The following HNRNPA2B1 variants were observed in gnomAD, a reference collection of about 807,000 sequenced individuals.
HNRNPA2B1 encodes the protein heterogeneous nuclear ribonucleoprotein A2/B1.
HNRNPA2B1 carries 3 observed loss-of-function variants against 46.3 expected under a neutral mutation model. The observed-to-expected ratio is 0.06, with a 90% CI of 0.03 to 0.17. The LOEUF (loss-of-function observed/expected upper bound fraction) is 0.17. Ranked by LOEUF, HNRNPA2B1 falls within the 10% of genes least tolerant of loss-of-function variation. HNRNPA2B1 has a pLI of 1.00. For synonymous variants in HNRNPA2B1, 225 were observed against 133.8 expected (o/e 1.68, Z -4.70); for missense variants, 221 against 418.9 (o/e 0.53, Z 4.12).
chr7:26,193,631 G>A lies in HNRNPA2B1; in HGVS notation c.785C>T (p.Pro262Leu), dbSNP rs1434240961. The change falls in exon 8 of 11, where the codon CCT becomes CTT. Residue 262 changes from proline to leucine, a missense_variant. Pro to Leu is a moderately conservative substitution (Grantham distance 98, BLOSUM62 -3). Coordinates refer to ENST00000618183, the MANE Select transcript of HNRNPA2B1 (RefSeq NM_002137.4). ...GGRGGYGGGG[P>L]GYGNQGGGYG... Reference sequence around the variant, plus strand: ...GCCCCCACCCTGGTTGCCATATCCAGGTCCTCCACCACCATATCCTCCTCT... The same window carrying A: ...GCCCCCACCCTGGTTGCCATATCCAAGTCCTCCACCACCATATCCTCCTCT... 1.2e-6 allele frequency: 2 copies of A among 1,611,916 alleles called. No individual in the cohort carries two copies. The highest frequency in any genetic ancestry group is 1.3e-5 in the African/African-American group (1 of 74,704).
chr7:26,195,559 T>C (rs1206231887), intron 7 of HNRNPA2B1, among the ~76,000 whole-genome samples: 1 of 152,240 alleles, frequency 6.6e-6, no homozygotes, highest in African/African-American at 2.4e-5. Flanking sequence ...TCTGTACTTT[T>C]CCAGAGAAGC....
chr7:26,192,381 AAATT>A (rs1270477722), intron 10 of HNRNPA2B1, 43 bp from the exon 11 acceptor site: 6 of 741,338 alleles, frequency 8.1e-6, no homozygotes, highest in Non-Finnish European at 1.4e-5. Context: ...ATAGGTTATG[AAATT>A]ATCCATCTAA....
chr7:26,197,322 G>C lies in HNRNPA2B1; in HGVS notation c.257C>G (p.Ala86Gly). Reference sequence around the variant, plus strand: ...CAGTCATTGTTTGCTTACCTCTCTTGCTACAGCACGTTTTGGCTCAACTAC... The same window carrying C: ...CAGTCATTGTTTGCTTACCTCTCTTCCTACAGCACGTTTTGGCTCAACTAC... ...GRVVEPKRAVAREESGKPGAH... is the reference protein window; with the variant it reads ...GRVVEPKRAVGREESGKPGAH... The change falls in exon 3 of 11, where the codon GCA becomes GGA. Residue 86 changes from alanine to glycine, a missense_variant. By Grantham distance (60) the Ala-to-Gly change is moderately conservative. Transcript: ENST00000618183. The C allele has an allele frequency of 6.2e-7, 1 of 1,610,118 alleles. No individual in the cohort carries two copies. The highest frequency in any genetic ancestry group is 8.5e-7 in the Non-Finnish European group (1 of 1,177,710).
chr7:26,192,455 C>G, intron 10 of HNRNPA2B1, 40 bp downstream of exon 10: 1 of 1,367,966 alleles, frequency 7.3e-7, no homozygotes, highest in Non-Finnish European at 1.0e-6. Context: ...AGCTATGTCT[C>G]CCAAGATAAT....
intron 9 of HNRNPA2B1, 81 bp downstream of exon 9, chr7:26,193,170 G>T: frequency 7.3e-7 from 1 of 1,365,924 alleles, no homozygotes. Context: ...AAACTACTTA[G>T]TATGTTATCT....
At position 26,196,074 on chromosome 7, in the gene HNRNPA2B1, A is replaced by C. The variant is rs546348957; in HGVS notation, c.659-165T>G. 4.6e-5 allele frequency among the ~76,000 whole-genome samples: 7 copies of C among 152,356 alleles called. No homozygotes were observed. In the East Asian group the frequency reaches 1.3e-3, roughly 29 times the overall value. ...ACAAAACATGAAAGCATATAATTAA[A>C]TCTACCGCCTAAATTTTGGACTCTT... On this transcript the variant is annotated intron_variant, in intron 6 of 10. Transcript: ENST00000618183.
intron 8 of HNRNPA2B1, 45 bp downstream of exon 8, chr7:26,193,530 A>C: frequency 6.4e-7 from 1 of 1,566,486 alleles, no homozygotes; most frequent in Non-Finnish European, 8.6e-7. Flanking sequence ...TTACAAAGAC[A>C]TTAATTCCAA....
chr7:26,195,759 T>C, intron 7 of HNRNPA2B1, 88 bp downstream of exon 7: 1 of 1,439,348 alleles, frequency 6.9e-7, no homozygotes, highest in Non-Finnish European at 9.4e-7. Flanking sequence ...TATAAAATGT[T>C]TAAAAACTCA....
chr7:26,196,771 T>C (rs756322317), intron 4 of HNRNPA2B1, 36 bp downstream of exon 4: 35 of 1,591,958 alleles, frequency 2.2e-5, no homozygotes, highest in Non-Finnish European at 2.6e-5. Flanking sequence ...TTGAATACAC[T>C]GGAAAAAAAC....
rs768501900 is a variant in HNRNPA2B1 at position 26,196,639 on chromosome 7, G to A, written c.495C>T (p.Ile165=). ...TTCTTACTTCTGCATTATGACCATT[G>A]ATGGTATGGTATTTCTGCACTGGAA... ...DKIVLQKYHT[I]NGHNAEVRKA... The change falls in exon 5 of 11, where the codon ATC becomes ATT. Residue 165 remains isoleucine, a synonymous_variant. Transcript: ENST00000618183. The A allele has an allele frequency of 1.9e-6, 3 of 1,613,602 alleles. No homozygotes were observed. Among genetic ancestry groups the A allele is most frequent in the South Asian group, 1.1e-5 (1 of 91,046 alleles).
rs763744438 is a variant in HNRNPA2B1, at chr7:26,197,584, A to G, written c.117+38T>C. On this transcript the variant is annotated intron_variant, in intron 2 of 10. Coordinates refer to ENST00000618183, the MANE Select transcript of HNRNPA2B1 (RefSeq NM_002137.4). The stretch of plus-strand genomic sequence containing the variant: ...CATGATTCACTTAACATACAGCTAA[A>G]AGACTAATATCCAGTAACAATTCAG... 8 of 1,572,712 alleles carry G rather than the reference A, an allele frequency of 5.1e-6. 1 individual carries two copies. In the South Asian group the frequency reaches 7.8e-5, roughly 15 times the overall value.
rs1334200011 is a variant in HNRNPA2B1 at position 26,190,163 on chromosome 7, T to G, written c.*2197A>C. On this transcript the variant is annotated 3_prime_UTR_variant, in exon 11 of 11. Transcript: ENST00000618183. ...AGTATTTATTTTATAAACTTTATAT[T>G]TAAAATAGAATTGTAATCTGTCTAC... 5 of 152,654 alleles carry G rather than the reference T, an allele frequency of 3.3e-5. No homozygotes were observed. The highest frequency in any genetic ancestry group is 2.9e-5 in the Non-Finnish European group (2 of 68,022). 9.5% of individuals were successfully genotyped at this position (152,654 alleles called of 1,614,324 possible).
intron 3 of HNRNPA2B1, 70 bp downstream of exon 3, chr7:26,197,245 A>T: frequency 6.7e-7 from 1 of 1,490,956 alleles, no homozygotes; most frequent in South Asian, 1.3e-5. Context: ...CTAAATTCAG[A>T]AATAGTTTCT....
chr7:26,194,051 G>A (rs1783213993), intron 7 of HNRNPA2B1, among the ~76,000 whole-genome samples: 1 of 152,098 alleles, frequency 6.6e-6, no homozygotes, highest in Admixed American at 6.5e-5. Flanking sequence ...CCTCCTACTG[G>A]CCCAAAAGAT....
Position 26,200,629 on chromosome 7 carries a change from A to C in HNRNPA2B1, c.-52T>G. 6.2e-7 allele frequency: 1 copy of C among 1,612,730 alleles called. No individual in the cohort carries two copies. The highest frequency in any genetic ancestry group is 8.5e-7 in the Non-Finnish European group (1 of 1,179,648). On this transcript the variant is annotated 5_prime_UTR_variant, in exon 1 of 11. Coordinates refer to ENST00000618183, the MANE Select transcript of HNRNPA2B1 (RefSeq NM_002137.4). The stretch of plus-strand genomic sequence containing the variant: ...TTCCCGCAGCCGAGCGAGATGAGAG[A>C]GATCTCCGCGGACGAACACGAACCG...
rs1489940442 is a variant in HNRNPA2B1, at chr7:26,191,367, TTAG to T, written c.*990_*992del. On this transcript the variant is annotated 3_prime_UTR_variant, in exon 11 of 11. Coordinates refer to ENST00000618183, the MANE Select transcript of HNRNPA2B1 (RefSeq NM_002137.4). The stretch of plus-strand genomic sequence containing the variant: ...TATACTGAAAGACCATTTAAGAGTA[TTAG>T]TTTATCTTTTAGGGAGGAAAATTAA... The T allele has an allele frequency of 2.0e-5, 3 of 152,194 alleles. No homozygotes were observed. Among genetic ancestry groups the T allele is most frequent in the African/African-American group, 7.2e-5 (3 of 41,452 alleles). 9.4% of individuals were successfully genotyped at this position (152,194 alleles called of 1,614,324 possible).
At chr7:26,197,207 T>A (rs1783742761) in intron 3 of HNRNPA2B1, 108 bp downstream of exon 3, 1 of 1,363,284 alleles carries the variant, frequency 7.3e-7, no homozygotes, top group South Asian at 1.4e-5. Flanking sequence ...AACACACCTT[T>A]AATAAGAGAA....
intron 1 of HNRNPA2B1, 57 bp downstream of exon 1, chr7:26,200,515 G>C (rs903293423): frequency 8.2e-6 from 13 of 1,590,916 alleles, no homozygotes; most frequent in African/African-American, 2.7e-5. Flanking sequence ...CTTCCACTGA[G>C]GCGCCAACGG....
chr7:26,197,307 T>C lies in HNRNPA2B1; in HGVS notation c.264+8A>G. 1.2e-6 allele frequency: 2 copies of C among 1,602,544 alleles called. No individual in the cohort carries two copies. The highest frequency in any genetic ancestry group is 1.7e-6 in the Non-Finnish European group (2 of 1,173,832). On this transcript the variant is annotated splice_region_variant and intron_variant, in intron 3 of 10. Coordinates refer to ENST00000618183, the MANE Select transcript of HNRNPA2B1 (RefSeq NM_002137.4). ...TGTTAATGCACAAGACAGTCATTGT[T>C]TGCTTACCTCTCTTGCTACAGCACG...
Sources: gnomAD v4.1 joint callset for allele counts (sites outside exome capture counted in the v4.1 genomes callset) on GRCh38, gnomAD v4.1.1 for gene constraint, MANE v1.5 for transcripts, NCBI Gene and HGNC (gene_info 2026-07-23, HGNC 2026-07-21) for gene names.